SOCS7: variants seen among roughly 807,000 people sequenced by gnomAD.
SOCS7 encodes suppressor of cytokine signaling 7, also known as NAP-4.
Under a neutral mutation model 58.9 loss-of-function variants are expected in SOCS7, and 18 were observed. The observed-to-expected ratio is 0.31, with a 90% CI of 0.21 to 0.45. The LOEUF (loss-of-function observed/expected upper bound fraction) is 0.45. Among genes scored for constraint, SOCS7 ranks in the 20% least tolerant of loss-of-function variants. The pLI, the probability that SOCS7 is intolerant of heterozygous loss-of-function variation, is 1.00. For missense variants in SOCS7, 667 were observed against 837.3 expected (o/e 0.80, Z 2.51); for synonymous variants, 388 against 364.3 (o/e 1.06, Z -0.74).
In SOCS7 at chr17:38,404,912, C is replaced by T. The variant is rs1177536846; in HGVS notation, c.*5430C>T. 1 of 152,172 alleles carries T rather than the reference C, an allele frequency of 6.6e-6. No homozygotes were observed. The highest frequency in any genetic ancestry group is 1.5e-5 in the Non-Finnish European group (1 of 68,036). 9.4% of individuals were successfully genotyped at this position (152,172 alleles called of 1,614,324 possible). On this transcript the variant is annotated 3_prime_UTR_variant, in exon 10 of 10. Coordinates refer to ENST00000612932, the MANE Select transcript of SOCS7 (RefSeq NM_014598.4). ...GGTGCTGCCTGTGGCATAGCCACTG[C>T]TGTACGTTTTTGGTTGTTTTTAAGA...
chr17:38,360,516 TA>T (rs1359190971), intron 1 of SOCS7, among the ~76,000 whole-genome samples: 12 of 149,812 alleles, frequency 8.0e-5, no homozygotes, highest in African/African-American at 2.3e-4. Context: ...TCTTTTTTTT[TA>T]TTTTTTTATT....
At position 38,364,824 on chromosome 17, in the gene SOCS7, C is replaced by G. The variant is rs2037766958; in HGVS notation, c.1118C>G (p.Pro373Arg). 3 of 1,613,950 alleles carry G rather than the reference C, an allele frequency of 1.9e-6. No homozygotes were observed. The East Asian group carries it at 6.7e-5, about 36-fold the overall frequency. Residue 373 changes from proline to arginine, a missense_variant, in exon 3 of 10, where the codon CCT (proline) becomes CGT (arginine). Transcript: ENST00000612932. Reference sequence around the variant, plus strand: ...ACCTCTCCACACCCTCCAACTCCCCCTCCTCCTCCGAGAAGAAGCCTCAGC... The same window carrying G: ...ACCTCTCCACACCCTCCAACTCCCCGTCCTCCTCCGAGAAGAAGCCTCAGC... The part of the protein sequence containing the change: ...GLTSPHPPTP[P>R]PPPRRSLSLL...
At chr17:38,389,906 T>TAGAGAG (rs772399580) in intron 7 of SOCS7, among the ~76,000 whole-genome samples, 2 of 103,472 alleles carry the variant, frequency 1.9e-5, no homozygotes, top group African/African-American at 4.7e-5. Context: ...TATACACATA[T>TAGAGAG]AGAGAGAGAG....
At chr17:38,355,727 C>T (rs1555566729) in intron 1 of SOCS7, among the ~76,000 whole-genome samples, 1 of 152,176 alleles carries the variant, frequency 6.6e-6, no homozygotes, top group East Asian at 1.9e-4. Flanking sequence ...TTGCTATTCC[C>T]AACATCTGCC....
chr17:38,368,565 G>A (rs1328985794), intron 6 of SOCS7, among the ~76,000 whole-genome samples: 3 of 151,444 alleles, frequency 2.0e-5, no homozygotes, highest in South Asian at 2.1e-4. Flanking sequence ...GCAGTGGTGC[G>A]ATCTCAGCTC....
intron 1 of SOCS7, among the ~76,000 whole-genome samples, chr17:38,354,863 C>T (rs41378947): frequency 0.048 from 7,280 of 152,246 alleles, 206 homozygotes; most frequent in Middle Eastern, 0.23. Context: ...TTAGCTGCTA[C>T]GTCTAATAGA....
At chr17:38,360,027 C>T (rs2037695106) in intron 1 of SOCS7, among the ~76,000 whole-genome samples, 1 of 151,938 alleles carries the variant, frequency 6.6e-6, no homozygotes. Flanking sequence ...ATCTGCCCAC[C>T]TCAGCCTCTC....
At chr17:38,379,601 A>C (rs1393250045) in intron 7 of SOCS7, among the ~76,000 whole-genome samples, 3 of 152,150 alleles carry the variant, frequency 2.0e-5, no homozygotes, top group African/African-American at 7.2e-5. Context: ...AGCTCAGGGG[A>C]GCCTCAGGCA....
Position 38,404,145 on chromosome 17 carries a change from A to T in SOCS7, c.*4663A>T, listed in dbSNP as rs1185182568. 2 of 152,040 alleles carry T rather than the reference A, an allele frequency of 1.3e-5. No individual in the cohort carries two copies. The highest frequency in any genetic ancestry group is 2.9e-5 in the Non-Finnish European group (2 of 68,008). The allele number at this position is 152,040 out of a possible 1,614,324, so 9.4% of individuals were successfully genotyped here. A position where few individuals can be genotyped will look rare whatever the true frequency, so the allele number is the denominator to read the frequency against. On this transcript the variant is annotated 3_prime_UTR_variant, in exon 10 of 10. Transcript: ENST00000612932. The stretch of plus-strand genomic sequence containing the variant: ...GATTGGAGGCCTTGATAAAATGGAG[A>T]GCAAAGTCTTGGGAGCAGTGAAATG...
intron 7 of SOCS7, among the ~76,000 whole-genome samples, chr17:38,389,899 A>ATATATATGTG (rs2038143219): frequency 4.6e-3 from 47 of 10,140 alleles, no homozygotes; most frequent in East Asian, 0.011. Context: ...ATATATATAT[A>ATATATATGTG]CACATATAGA....
At chr17:38,380,396 C>G (rs1022321276) in intron 7 of SOCS7, among the ~76,000 whole-genome samples, 1 of 151,780 alleles carries the variant, frequency 6.6e-6, no homozygotes, top group Admixed American at 6.6e-5. Flanking sequence ...TTTGGGAGTC[C>G]GAGGTGGGTG....
chr17:38,392,161 G>T (rs2038180492), intron 7 of SOCS7, among the ~76,000 whole-genome samples: 1 of 152,178 alleles, frequency 6.6e-6, no homozygotes, highest in Admixed American at 6.5e-5. Flanking sequence ...GTTGGCGTTT[G>T]TGGGCAAACA....
At chr17:38,357,434 G>A (rs1451297187) in intron 1 of SOCS7, among the ~76,000 whole-genome samples, 1 of 152,152 alleles carries the variant, frequency 6.6e-6, no homozygotes, top group African/African-American at 2.4e-5. Context: ...CTGTCCATTT[G>A]AGTCCTGTGC....
At position 38,365,390 on chromosome 17, in the gene SOCS7, T is replaced by G. The variant is rs371505316; in HGVS notation, c.1233T>G (p.Pro411=). The change falls in exon 4 of 10, where the codon CCT becomes CCG. Residue 411 remains proline (P), a synonymous_variant. Transcript: ENST00000612932. ...TGCAGTCTTTCCCCCTACCTCCGCC[T>G]CCTCCACCCCATGCCCCAGGTTAGC... ...SSLQSFPLPP[P]PPPHAPDAFP... is the part of the protein sequence containing the mutation. The G allele has an allele frequency of 1.4e-4, 219 of 1,611,496 alleles. No individual in the cohort carries two copies. Among genetic ancestry groups the G allele is most frequent in the Non-Finnish European group, 1.8e-4 (209 of 1,178,784 alleles).
chr17:38,375,054 C>G (rs2037913939), intron 6 of SOCS7, among the ~76,000 whole-genome samples: 1 of 152,078 alleles, frequency 6.6e-6, no homozygotes. Context: ...GCCAGGAGTT[C>G]AAGACCAGCC....
intron 7 of SOCS7, among the ~76,000 whole-genome samples, chr17:38,381,946 CAAAAAAA>C (rs55949628): frequency 4.5e-4 from 8 of 17,668 alleles, no homozygotes; most frequent in Admixed American, 2.0e-3. Context: ...GACTCTGTCT[CAAAAAAA>C]AAAAAAAAAA....
At position 38,401,623 on chromosome 17, in the gene SOCS7, T is replaced by C. The variant is rs929909231; in HGVS notation, c.*2141T>C. The C allele has an allele frequency of 2.6e-5, 4 of 152,164 alleles. No homozygotes were observed. The highest frequency in any genetic ancestry group is 9.7e-5 in the African/African-American group (4 of 41,442). The allele number at this position is 152,164 out of a possible 1,614,324, so 9.4% of individuals were successfully genotyped here. On this transcript the variant is annotated 3_prime_UTR_variant, in exon 10 of 10. Coordinates refer to ENST00000612932, the MANE Select transcript of SOCS7 (RefSeq NM_014598.4). ...GCACATCAAGCAGAAAATCAAGGAC[T>C]ATCTAAAGACGTTTATAGTAGATAA...
rs41497847 is a variant in SOCS7 at position 38,383,756 on chromosome 17, C to T, written c.1681+5914C>T. ...ACGGGGTTTCACCATATTGGTCAGG[C>T]TGGTCTCGAACTCCTGACCTTAGGT... On this transcript the variant is annotated intron_variant, in intron 7 of 9. Transcript: ENST00000612932. 8.6e-3 allele frequency among the ~76,000 whole-genome samples: 1,307 copies of T among 152,224 alleles called. 16 individuals are homozygous for T. Among genetic ancestry groups the T allele is most frequent in the African/African-American group, 0.029 (1,198 of 41,530 alleles).
rs1235312633 is a variant in SOCS7, at chr17:38,357,348, T to A, written c.980+4316T>A. On this transcript the variant is annotated intron_variant, in intron 1 of 9. Coordinates refer to ENST00000612932, the MANE Select transcript of SOCS7 (RefSeq NM_014598.4). ...TGGGTCCACACACTGTTGATCTTTT[T>A]AACTATTTTTTCCATGAAGTGGTTG... Among the ~76,000 whole-genome samples, 47 of 152,242 alleles carry A rather than the reference T, an allele frequency of 3.1e-4. 1 individual carries two copies. The highest frequency in any genetic ancestry group is 3.1e-3 in the Admixed American group (47 of 15,286).
Sources: allele counts gnomAD v4.1 joint callset (sites outside exome capture counted in the v4.1 genomes callset), GRCh38; gene constraint gnomAD v4.1.1; transcripts MANE v1.5; gene names NCBI Gene and HGNC (gene_info 2026-07-23, HGNC 2026-07-21).